RCAN2: variants seen among roughly 807,000 people sequenced by gnomAD.
RCAN2 encodes regulator of calcineurin 2, also known as calcipressin-2.
Under a neutral mutation model 23.6 loss-of-function variants are expected in RCAN2, and 9 were observed. The ratio of observed to expected loss-of-function variants is 0.38; its 90% CI spans 0.23 to 0.67. RCAN2 has a LOEUF of 0.67. RCAN2 is among the 30% of genes least tolerant of loss of function. The pLI is 0.51. For missense variants in RCAN2, 273 were observed against 302.3 expected, an observed-to-expected ratio of 0.90 and a Z score of 0.72; for synonymous variants, 109 against 115.7, an observed-to-expected ratio of 0.94 and a Z score of 0.37.
chr6:46,458,074 G>A (rs573288144), intron 1 of RCAN2, among the ~76,000 whole-genome samples: 9 of 152,168 alleles, frequency 5.9e-5, no homozygotes, highest in East Asian at 5.8e-4. Context: ...TCATGGTTAC[G>A]CAAGTAAGAC....
At chr6:46,475,652 G>C (rs1200857908) in intron 1 of RCAN2, among the ~76,000 whole-genome samples, 1 of 152,122 alleles carries the variant, frequency 6.6e-6, no homozygotes, top group African/African-American at 2.4e-5. Context: ...ATTATGTTAA[G>C]CAGAGCAGTT....
intron 4 of RCAN2, among the ~76,000 whole-genome samples, chr6:46,228,976 A>G (rs544876386): frequency 6.6e-6 from 1 of 152,220 alleles, no homozygotes; most frequent in East Asian, 1.9e-4. Flanking sequence ...TGATGACAAA[A>G]TCTCTCAGCA....
intron 2 of RCAN2, among the ~76,000 whole-genome samples, chr6:46,347,068 G>A (rs1366652843): frequency 6.6e-6 from 1 of 151,998 alleles, no homozygotes; most frequent in African/African-American, 2.4e-5. Flanking sequence ...GTAGAGATAG[G>A]GTTTCACCAT....
Position 46,223,062 on chromosome 6 carries a change from G to A in RCAN2, c.*79C>T. 6.6e-7 allele frequency: 1 copy of A among 1,505,398 alleles called. No individual in the cohort carries two copies. The highest frequency in any genetic ancestry group is 9.1e-7 in the Non-Finnish European group (1 of 1,104,338). 93.3% of individuals were successfully genotyped at this position (1,505,398 alleles called of 1,614,324 possible). On this transcript the variant is annotated 3_prime_UTR_variant, in exon 5 of 5. Transcript: ENST00000371374. Reference sequence around the variant, plus strand: ...ACAACCAAACACCCAGGAATTTAAAGGCAATTTTTTTTGACAAACAACAGG... The same window carrying A: ...ACAACCAAACACCCAGGAATTTAAAAGCAATTTTTTTTGACAAACAACAGG...
intron 4 of RCAN2, 35 bp from the exon 5 acceptor site, chr6:46,223,336 G>C: frequency 6.2e-7 from 1 of 1,600,192 alleles, no homozygotes; most frequent in Non-Finnish European, 8.5e-7. Context: ...GAGAAAGAGG[G>C]GGGGATTTCA....
intron 2 of RCAN2, among the ~76,000 whole-genome samples, chr6:46,307,771 T>G (rs777113223): frequency 9.2e-5 from 14 of 152,136 alleles, no homozygotes; most frequent in Non-Finnish European, 1.6e-4. Context: ...ACTGAAGGAA[T>G]GAATGAACTG....
rs148638822 is a variant in RCAN2 at position 46,387,489 on chromosome 6, G to A, written c.225+69263C>T. On this transcript the variant is annotated intron_variant, in intron 2 of 4. Coordinates refer to ENST00000371374, the MANE Select transcript of RCAN2 (RefSeq NM_001251974.2). ...AAAGATGACATTTATGCAGCCAACA[G>A]ACACATGAAAAAATGCTCATCACCA... 1.8e-3 allele frequency among the ~76,000 whole-genome samples: 281 copies of A among 152,254 alleles called. 1 individual carries two copies. The highest frequency in any genetic ancestry group is 6.8e-3 in the Middle Eastern group (2 of 294).
At chr6:46,445,458 C>T (rs935268220) in intron 2 of RCAN2, among the ~76,000 whole-genome samples, 3 of 152,102 alleles carry the variant, frequency 2.0e-5, no homozygotes, top group Non-Finnish European at 2.9e-5. Flanking sequence ...CCAGACAAAG[C>T]CAGTCCAAAA....
At chr6:46,442,628 T>C (rs1767584056) in intron 2 of RCAN2, among the ~76,000 whole-genome samples, 1 of 152,224 alleles carries the variant, frequency 6.6e-6, no homozygotes, top group African/African-American at 2.4e-5. Context: ...CATGTCCCTA[T>C]TTAATATCAT....
chr6:46,355,449 T>C (rs1251215078), intron 2 of RCAN2, among the ~76,000 whole-genome samples: 1 of 152,202 alleles, frequency 6.6e-6, no homozygotes. Context: ...GCTAGTGTCT[T>C]CCAGTGCCAG....
At chr6:46,250,501 T>G (rs574725478) in intron 2 of RCAN2, among the ~76,000 whole-genome samples, 6 of 152,302 alleles carry the variant, frequency 3.9e-5, no homozygotes, top group African/African-American at 1.4e-4. Context: ...CATAGAATTT[T>G]AACTAGGAAT....
At chr6:46,410,353 C>A (rs1766512445) in intron 2 of RCAN2, among the ~76,000 whole-genome samples, 1 of 152,170 alleles carries the variant, frequency 6.6e-6, no homozygotes, top group African/African-American at 2.4e-5. Context: ...ACCTACGTAC[C>A]TTTCCTACTG....
intron 2 of RCAN2, among the ~76,000 whole-genome samples, chr6:46,391,631 T>C (rs1333641161): frequency 6.6e-6 from 1 of 152,226 alleles, no homozygotes; most frequent in Non-Finnish European, 1.5e-5. Context: ...ATCATGAACA[T>C]GGCTCTTATT....
intron 2 of RCAN2, among the ~76,000 whole-genome samples, chr6:46,412,795 A>C (rs1028281843): frequency 9.2e-5 from 14 of 152,118 alleles, no homozygotes; most frequent in African/African-American, 3.1e-4. Context: ...AGGCAAGAGG[A>C]GTTGGGACTC....
chr6:46,448,534 A>C (rs771486575), intron 2 of RCAN2, among the ~76,000 whole-genome samples: 19 of 152,032 alleles, frequency 1.2e-4, no homozygotes, highest in Non-Finnish European at 1.5e-4. Context: ...AGACAAGAAA[A>C]TTATAGACCA....
intron 4 of RCAN2, among the ~76,000 whole-genome samples, chr6:46,238,108 T>C (rs1369335502): frequency 1.3e-5 from 2 of 152,128 alleles, no homozygotes; most frequent in African/African-American, 4.8e-5. Flanking sequence ...TAAATGGACA[T>C]GGGCCATGCA....
intron 2 of RCAN2, among the ~76,000 whole-genome samples, chr6:46,385,275 A>G (rs1765710959): frequency 6.6e-6 from 1 of 152,228 alleles, no homozygotes; most frequent in South Asian, 2.1e-4. Flanking sequence ...AGCCAAACAG[A>G]GAATTAGCAG....
At position 46,250,394 on chromosome 6, in the gene RCAN2, C is replaced by T. The variant is rs148105134; in HGVS notation, c.226-1498G>A. 3.4e-4 allele frequency among the ~76,000 whole-genome samples: 52 copies of T among 152,202 alleles called. No individual in the cohort carries two copies. The South Asian group carries it at 9.5e-3, about 28-fold the overall frequency. On this transcript the variant is annotated intron_variant, in intron 2 of 4. Transcript: ENST00000371374. ...CCACTAAGGAAATTATATATACAAC[C>T]AACCTGATTCTTTTATTTCAACAGT...
intron 2 of RCAN2, among the ~76,000 whole-genome samples, chr6:46,450,194 T>A (rs1249354237): frequency 6.6e-6 from 1 of 151,948 alleles, no homozygotes; most frequent in Non-Finnish European, 1.5e-5. Context: ...AGTAAGTGTA[T>A]TAAAAAGTAC....
Sources: gnomAD v4.1 joint callset for allele counts (sites outside exome capture counted in the v4.1 genomes callset) on GRCh38, gnomAD v4.1.1 for gene constraint, MANE v1.5 for transcripts, NCBI Gene and HGNC (gene_info 2026-07-23, HGNC 2026-07-21) for gene names.